Variants in IYD observed in about 807,000 individuals in gnomAD.
The protein encoded by IYD is iodotyrosine deiodinase, also known as iodotyrosine deiodinase 1.
A neutral mutation model predicts 28.4 loss-of-function variants in IYD; 25 were observed. That is an observed-to-expected ratio of 0.88 (90% CI 0.64 to 1.23). The LOEUF is 1.23. IYD is among the 50% of genes most tolerant of loss of function. The pLI is 0.00. For synonymous variants in IYD, 140 were observed against 130.8 expected, an observed-to-expected ratio of 1.07 and a Z score of -0.48; for missense variants, 352 against 357.9, an observed-to-expected ratio of 0.98 and a Z score of 0.13.
At chr6:150,393,171 T>C (rs1301731496) in intron 3 of IYD, among the ~76,000 whole-genome samples, 1 of 152,156 alleles carries the variant, frequency 6.6e-6, no homozygotes, top group Non-Finnish European at 1.5e-5. Flanking sequence ...TTTTCACCCT[T>C]GCAATAACCA....
rs907995718 is a variant in IYD, at chr6:150,396,530, G to T, written c.688-1525G>T. The T allele has an allele frequency of 4.4e-6, 3 of 677,860 alleles. No homozygotes were observed. In the South Asian group the frequency reaches 4.8e-5, roughly 11 times the overall value. The allele number at this position is 677,860 out of a possible 1,614,324, so 42.0% of individuals were successfully genotyped here. A position where few individuals can be genotyped will look rare whatever the true frequency, so the allele number is the denominator to read the frequency against. On this transcript the variant is annotated intron_variant, in intron 4 of 4. Coordinates refer to ENST00000344419, the MANE Select transcript of IYD (RefSeq NM_203395.3). Reference sequence around the variant, plus strand: ...GGAGTAAAAGCTATGTCTTGAAAAGGACCAAGATATAAAATGACACTAAAT... The same window carrying T: ...GGAGTAAAAGCTATGTCTTGAAAAGTACCAAGATATAAAATGACACTAAAT...
intron 3 of IYD, among the ~76,000 whole-genome samples, 197 bp from the exon 4 acceptor site, chr6:150,393,902 T>C (rs547354846): frequency 2.6e-5 from 4 of 152,322 alleles, no homozygotes; most frequent in African/African-American, 9.6e-5. Flanking sequence ...TAGGCACTTA[T>C]TAAGACATGT....
intron 1 of IYD, among the ~76,000 whole-genome samples, chr6:150,387,057 T>A (rs1777889518): frequency 6.6e-6 from 1 of 152,138 alleles, no homozygotes. Flanking sequence ...CTATAGTTTT[T>A]AAAAATAACT....
chr6:150,395,699 T>A, intron 4 of IYD: 1 of 773,466 alleles, frequency 1.3e-6, no homozygotes, highest in East Asian at 2.7e-5. Flanking sequence ...AGCCCGCATC[T>A]CCAGTATGGT....
At chr6:150,385,870 A>T (rs960419993) in intron 1 of IYD, among the ~76,000 whole-genome samples, 2 of 151,882 alleles carry the variant, frequency 1.3e-5, no homozygotes, top group African/African-American at 4.8e-5. Flanking sequence ...TTATATTTTT[A>T]AGAAATTTGT....
In IYD at chr6:150,392,482, G is replaced by A; in HGVS notation, c.508G>A (p.Val170Ile). Residue 170 changes from valine to isoleucine, a missense_variant, in exon 3 of 5, where the codon GTC (valine) becomes ATC (isoleucine). Transcript: ENST00000344419. ...CATGAAAAGGATGGGACATCGCTGGGTCACAGACCTCAAGAAACTGAGGTA... is the reference window on the plus strand; with the variant it reads ...CATGAAAAGGATGGGACATCGCTGGATCACAGACCTCAAGAAACTGAGGTA... ...NYMKRMGHRW[V>I]TDLKKLRTNW... 1 of 1,613,948 alleles carries A rather than the reference G, an allele frequency of 6.2e-7. No individual in the cohort carries two copies. Among genetic ancestry groups the A allele is most frequent in the Non-Finnish European group, 8.5e-7 (1 of 1,179,944 alleles).
intron 1 of IYD, among the ~76,000 whole-genome samples, chr6:150,379,499 C>T (rs1013379074): frequency 1.3e-5 from 2 of 152,168 alleles, no homozygotes; most frequent in South Asian, 4.1e-4. Flanking sequence ...CCTTCTTATT[C>T]TCTGTCACTT....
chr6:150,374,993 G>T (rs901031096), intron 1 of IYD, among the ~76,000 whole-genome samples: 1 of 152,090 alleles, frequency 6.6e-6, no homozygotes, highest in Admixed American at 6.5e-5. Flanking sequence ...AACCCCACTG[G>T]CTTTAGGAAA....
intron 1 of IYD, among the ~76,000 whole-genome samples, chr6:150,380,923 C>A (rs979828952): frequency 6.6e-6 from 1 of 152,160 alleles, no homozygotes; most frequent in East Asian, 1.9e-4. Context: ...TCCTCTCCCC[C>A]AAAGACTCAT....
At position 150,374,775 on chromosome 6, in the gene IYD, C is replaced by T. The variant is rs146529157; in HGVS notation, c.178+5566C>T. Among the ~76,000 whole-genome samples, 8 of 152,334 alleles carry T rather than the reference C, an allele frequency of 5.3e-5. No individual in the cohort carries two copies. The East Asian group carries it at 1.5e-3, about 29-fold the overall frequency. ...TTTGCAATATGTATTTGTTCAGATT[C>T]TTCTCTGTGTCCCTAACATCCTCAG... On this transcript the variant is annotated intron_variant, in intron 1 of 4. Coordinates refer to ENST00000344419, the MANE Select transcript of IYD (RefSeq NM_203395.3).
chr6:150,397,478 GA>G (rs1778362772), intron 4 of IYD, among the ~76,000 whole-genome samples: 1 of 151,584 alleles, frequency 6.6e-6, no homozygotes, highest in Non-Finnish European at 1.5e-5. Context: ...ACTGAGGTGG[GA>G]GGATGGCTTG....
chr6:150,379,226 C>A (rs539786296), intron 1 of IYD, among the ~76,000 whole-genome samples: 1 of 152,326 alleles, frequency 6.6e-6, no homozygotes, highest in African/African-American at 2.4e-5. Context: ...CACTCTCAAC[C>A]ACCCATGTTA....
intron 4 of IYD, among the ~76,000 whole-genome samples, chr6:150,397,802 T>C (rs1474988186): frequency 1.4e-5 from 2 of 143,658 alleles, no homozygotes; most frequent in Admixed American, 1.5e-4. Context: ...TAAGCATCAA[T>C]GAAAAATAAT....
intron 1 of IYD, among the ~76,000 whole-genome samples, chr6:150,373,043 C>A (rs981899168): frequency 6.6e-6 from 1 of 152,186 alleles, no homozygotes; most frequent in African/African-American, 2.4e-5. Flanking sequence ...ATAGGAAACA[C>A]ATCTCATCAA....
At chr6:150,369,285 T>C in intron 1 of IYD, 76 bp downstream of exon 1, 2 of 1,427,888 alleles carry the variant, frequency 1.4e-6, no homozygotes, top group Non-Finnish European at 1.9e-6. Flanking sequence ...TGGCAGGGCT[T>C]ATGGAGAGGA....
chr6:150,399,853 T>C lies in IYD; in HGVS notation c.*1616T>C, dbSNP rs659737. 1 of 152,048 alleles carries C rather than the reference T, an allele frequency of 6.6e-6. No individual in the cohort carries two copies. Among genetic ancestry groups the C allele is most frequent in the Non-Finnish European group, 1.5e-5 (1 of 68,082 alleles). 9.4% of individuals were successfully genotyped at this position (152,048 alleles called of 1,614,324 possible). A position where few individuals can be genotyped will look rare whatever the true frequency, so the allele number is the denominator to read the frequency against. ...GTACTAATCCCATCATGAGGCCCCG[T>C]CCTTATGACCTCATCACCTCCCAAA... On this transcript the variant is annotated 3_prime_UTR_variant, in exon 5 of 5. Transcript: ENST00000344419.
intron 2 of IYD, among the ~76,000 whole-genome samples, chr6:150,390,889 T>G (rs187117405): frequency 2.0e-5 from 3 of 152,104 alleles, no homozygotes; most frequent in Admixed American, 1.3e-4. Context: ...GTTCCCGAAG[T>G]CCCCCCGGGA....
chr6:150,396,891 A>T (rs1286547224), intron 4 of IYD: 1 of 148,726 alleles, frequency 6.7e-6, no homozygotes, highest in Non-Finnish European at 1.5e-5. Context: ...AAAAAAAAAA[A>T]TTAAGATTTA....
At chr6:150,370,614 C>T (rs1013268397) in intron 1 of IYD, 1 of 985,398 alleles carries the variant, frequency 1.0e-6, no homozygotes, top group Non-Finnish European at 1.2e-6. Flanking sequence ...GTCAATTCTA[C>T]CCAGCGGAGA....
Sources: gnomAD v4.1 joint callset for allele counts (sites outside exome capture counted in the v4.1 genomes callset) on GRCh38, gnomAD v4.1.1 for gene constraint, MANE v1.5 for transcripts, NCBI Gene and HGNC (gene_info 2026-07-23, HGNC 2026-07-21) for gene names.